INTS6: variants seen among roughly 807,000 people sequenced by gnomAD.
INTS6 encodes the protein DEAD box protein.
In INTS6, 16 loss-of-function variants were observed where a neutral mutation model predicts 104.9. The ratio of observed to expected loss-of-function variants is 0.15; its 90% CI spans 0.10 to 0.23. The LOEUF (loss-of-function observed/expected upper bound fraction) is 0.23. Ranked by LOEUF, INTS6 falls within the 10% of genes least tolerant of loss-of-function variation. The pLI is 1.00. For synonymous variants in INTS6, 324 were observed against 358.7 expected, an observed-to-expected ratio of 0.90 and a Z score of 1.09; for missense variants, 584 against 1,062.8, an observed-to-expected ratio of 0.55 and a Z score of 6.26.
intron 4 of INTS6, among the ~76,000 whole-genome samples, chr13:51,429,783 A>T (rs60012371): frequency 3.9e-4 from 48 of 122,774 alleles, no homozygotes; most frequent in East Asian, 9.9e-4. Context: ...AAAAAAAAAA[A>T]AAATATATAT....
At chr13:51,374,511 C>T (rs1955877970) in intron 14 of INTS6, 72 bp from the exon 15 acceptor site, 2 of 1,522,144 alleles carry the variant, frequency 1.3e-6, no homozygotes, top group Admixed American at 1.7e-5. Flanking sequence ...GTGTCAATTC[C>T]AATGAAGGTA....
chr13:51,386,350 A>G (rs1273793343), intron 7 of INTS6, among the ~76,000 whole-genome samples: 1 of 152,200 alleles, frequency 6.6e-6, no homozygotes, highest in Non-Finnish European at 1.5e-5. Flanking sequence ...CAAATACGGT[A>G]TCTGTTCTGT....
chr13:51,398,744 A>G (rs1956384388), intron 4 of INTS6, among the ~76,000 whole-genome samples: 1 of 152,046 alleles, frequency 6.6e-6, no homozygotes, highest in Admixed American at 6.6e-5. Context: ...AAAAAAAAAA[A>G]AGCAATTGAC....
downstream of INTS6, among the ~76,000 whole-genome samples, chr13:51,360,735 C>T (rs1252052327): frequency 6.6e-6 from 1 of 152,030 alleles, no homozygotes; most frequent in Non-Finnish European, 1.5e-5. Context: ...TAGACACATT[C>T]ATATTACTCT....
chr13:51,451,720 GCGCCGCCGCCGCCGC>G (rs551582945), intron 2 of INTS6: 51 of 193,740 alleles, frequency 2.6e-4, no homozygotes, highest in Non-Finnish European at 4.9e-4. Context: ...GTTGATAGCA[GCGCCGCCGCCGCCGC>G]CGCCGCCGCC....
intron 3 of INTS6, chr13:51,449,167 CCAATT>C (rs1388844587): frequency 6.6e-6 from 1 of 152,114 alleles, no homozygotes; most frequent in African/African-American, 2.4e-5. Flanking sequence ...TTTTAATGTG[CCAATT>C]CAAGACATAA....
intron 9 of INTS6, among the ~76,000 whole-genome samples, chr13:51,383,101 C>CCA (rs1956083303): frequency 2.1e-5 from 3 of 145,246 alleles, no homozygotes; most frequent in South Asian, 2.2e-4. Flanking sequence ...CACCCCCCCG[C>CCA]AAAAAAAAAT....
intron 8 of INTS6, 43 bp downstream of exon 8, chr13:51,383,546 G>A (rs368215821): frequency 1.7e-4 from 269 of 1,603,190 alleles, no homozygotes; most frequent in Non-Finnish European, 2.2e-4. Flanking sequence ...TTTAAGAAAT[G>A]CCTCATTTAA....
intron 6 of INTS6, among the ~76,000 whole-genome samples, chr13:51,388,805 T>C (rs1164394532): frequency 2.0e-5 from 3 of 152,236 alleles, no homozygotes; most frequent in Non-Finnish European, 4.4e-5. Context: ...AAATAGTTCA[T>C]GATTACAGAA....
chr13:51,347,970 C>A, the INTS6 span, among the ~76,000 whole-genome samples: 3 of 152,002 alleles, frequency 2.0e-5, no homozygotes, highest in African/African-American at 4.8e-5. Flanking sequence ...CCCCCCCATA[C>A]CCAGTCCTAG....
intron 5 of INTS6, among the ~76,000 whole-genome samples, chr13:51,390,388 A>G (rs143272621): frequency 0.011 from 1,728 of 151,996 alleles, 26 homozygotes; most frequent in East Asian, 0.07. Flanking sequence ...TATATTATTA[A>G]AATTAATTTC....
At chr13:51,346,976 A>T in the INTS6 span, 1 of 1,388,788 alleles carries the variant, frequency 7.2e-7, no homozygotes, top group Non-Finnish European at 1.0e-6. Context: ...GGTTCGGTTC[A>T]GTTTCAATGC....
At chr13:51,442,700 T>C (rs1952820909) in intron 3 of INTS6, 1 of 152,240 alleles carries the variant, frequency 6.6e-6, no homozygotes, top group Admixed American at 6.5e-5. Context: ...ACAAACCCTG[T>C]TGTGAACTGT....
In INTS6 at chr13:51,374,905, C is replaced by G; in HGVS notation, c.1730-109G>C. Reference sequence around the variant, plus strand: ...GTGTTATTCTAGACAGTCTTCTTTACCAACATATTCTAAATTTGTTTGGTG... The same window carrying G: ...GTGTTATTCTAGACAGTCTTCTTTAGCAACATATTCTAAATTTGTTTGGTG... On this transcript the variant is annotated intron_variant, in intron 13 of 17. Transcript: ENST00000311234. 5.5e-6 allele frequency: 6 copies of G among 1,084,458 alleles called. No individual in the cohort carries two copies. The South Asian group carries it at 1.2e-4, about 21-fold the overall frequency. 67.2% of individuals were successfully genotyped at this position (1,084,458 alleles called of 1,614,324 possible).
At chr13:51,423,746 C>T (rs1195521501) in intron 4 of INTS6, among the ~76,000 whole-genome samples, 2 of 151,948 alleles carry the variant, frequency 1.3e-5, no homozygotes, top group African/African-American at 4.8e-5. Flanking sequence ...TATTTTTATC[C>T]TAAAAAAATA....
chr13:51,369,395 G>C, intron 15 of INTS6, 85 bp from the exon 16 acceptor site: 3 of 1,337,242 alleles, frequency 2.2e-6, no homozygotes, highest in Non-Finnish European at 3.0e-6. Context: ...CATTACTACA[G>C]CAAGTCAACT....
the INTS6 span, chr13:51,344,359 C>T: frequency 6.2e-7 from 1 of 1,613,806 alleles, no homozygotes; most frequent in Non-Finnish European, 8.5e-7. Flanking sequence ...AGTGGGAACG[C>T]CACTGTCCCC....
At chr13:51,351,501 T>G (rs1411658410), downstream of INTS6, among the ~76,000 whole-genome samples, 1 of 152,158 alleles carries the variant, frequency 6.6e-6, no homozygotes, top group Non-Finnish European at 1.5e-5. Context: ...CTTTTTATTA[T>G]TGAGTTGTAA....
downstream of INTS6, chr13:51,361,515 A>AAGTTGAACACTAAAGAAAAC (rs1955574706): frequency 1.7e-6 from 1 of 594,194 alleles, no homozygotes; most frequent in South Asian, 2.6e-5. Flanking sequence ...AAAGAAAACA[A>AAGTTGAACACTAAAGAAAAC]AAAGTTTTTG....
Sources: gnomAD v4.1 joint callset for allele counts (sites outside exome capture counted in the v4.1 genomes callset) on GRCh38, gnomAD v4.1.1 for gene constraint, MANE v1.5 for transcripts, NCBI Gene and HGNC (gene_info 2026-07-23, HGNC 2026-07-21) for gene names.